The following EXOC4 variants were observed in gnomAD, a reference collection of about 807,000 sequenced individuals.
EXOC4 encodes exocyst complex component 4, also known as SEC8-like 1.
In EXOC4, 71 loss-of-function variants were observed where a neutral mutation model predicts 107.2. That is an observed-to-expected ratio of 0.66 (90% CI 0.55 to 0.81). EXOC4 has a LOEUF of 0.81. EXOC4 is among the 30% of genes least tolerant of loss of function. The pLI, the probability that EXOC4 is intolerant of heterozygous loss-of-function variation, is 0.00. For synonymous variants in EXOC4, 456 were observed against 441.2 expected, an observed-to-expected ratio of 1.03 and a Z score of -0.42; for missense variants, 1,108 against 1,189.6, an observed-to-expected ratio of 0.93 and a Z score of 1.01.
At chr7:133,380,788 G>T (rs959033864) in intron 7 of EXOC4, among the ~76,000 whole-genome samples, 1 of 152,146 alleles carries the variant, frequency 6.6e-6, no homozygotes, top group Admixed American at 6.6e-5. Context: ...ATGCATACAT[G>T]TACCAATGGC....
At chr7:133,975,286 G>A (rs1793804945) in intron 14 of EXOC4, among the ~76,000 whole-genome samples, 1 of 152,082 alleles carries the variant, frequency 6.6e-6, no homozygotes. Flanking sequence ...GGGATAGTAG[G>A]GATGGTTTCA....
At chr7:133,755,447 G>A (rs1795896341) in intron 10 of EXOC4, among the ~76,000 whole-genome samples, 1 of 146,962 alleles carries the variant, frequency 6.8e-6, no homozygotes, top group South Asian at 2.1e-4. Context: ...GGGTTCAAGC[G>A]ATTCTCCTGC....
At chr7:133,646,991 C>G (rs768993657) in intron 10 of EXOC4, among the ~76,000 whole-genome samples, 1 of 152,166 alleles carries the variant, frequency 6.6e-6, no homozygotes, top group Admixed American at 6.5e-5. Flanking sequence ...TGCATTTTCA[C>G]GGCCAACTCC....
Position 133,939,230 on chromosome 7 carries a change from C to T in EXOC4, c.2206+1161C>T, listed in dbSNP as rs571689182. The stretch of plus-strand genomic sequence containing the variant: ...CATGTCAGAGTGAGCTTTTTTTAAT[C>T]ACCGTCATTTGAGAAGGTATTATTA... On this transcript the variant is annotated intron_variant, in intron 14 of 17. Coordinates refer to ENST00000253861, the MANE Select transcript of EXOC4 (RefSeq NM_021807.4). 3.4e-4 allele frequency among the ~76,000 whole-genome samples: 51 copies of T among 152,206 alleles called. No homozygotes were observed. In the Middle Eastern group the frequency reaches 0.01, roughly 30 times the overall value.
chr7:134,005,118 T>A (rs1306442719), intron 16 of EXOC4, 28 bp downstream of exon 16: 3 of 1,588,266 alleles, frequency 1.9e-6, no homozygotes. Flanking sequence ...TCTCTGGGAG[T>A]TTGGGAGGAA....
chr7:133,348,699 C>T (rs1427267887), intron 5 of EXOC4, among the ~76,000 whole-genome samples: 5 of 152,176 alleles, frequency 3.3e-5, no homozygotes, highest in Admixed American at 3.3e-4. Flanking sequence ...ATACTTTTCT[C>T]TCCTTGCTGT....
chr7:133,696,079 G>A (rs1015743138), intron 10 of EXOC4, among the ~76,000 whole-genome samples: 29 of 152,168 alleles, frequency 1.9e-4, no homozygotes, highest in African/African-American at 7.0e-4. Context: ...GTTAAAGTAT[G>A]CCCCGGCTGG....
In EXOC4 at chr7:133,714,582, A is replaced by G. The variant is rs891563872; in HGVS notation, c.1514+84441A>G. Reference sequence around the variant, plus strand: ...ATTCCTGGGTTTTGCATCCAGTTCAACTGAGTATAAATCAAAACATCATTG... The same window carrying G: ...ATTCCTGGGTTTTGCATCCAGTTCAGCTGAGTATAAATCAAAACATCATTG... On this transcript the variant is annotated intron_variant, in intron 10 of 17. Transcript: ENST00000253861. Among the ~76,000 whole-genome samples, 5 of 152,248 alleles carry G rather than the reference A, an allele frequency of 3.3e-5. No homozygotes were observed. In the East Asian group the frequency reaches 7.7e-4, roughly 23 times the overall value.
At chr7:134,037,458 T>C (rs1795416421) in intron 17 of EXOC4, among the ~76,000 whole-genome samples, 1 of 152,198 alleles carries the variant, frequency 6.6e-6, no homozygotes, top group Non-Finnish European at 1.5e-5. Flanking sequence ...CTCTAGCATT[T>C]TTCCCTTGTG....
At chr7:133,417,755 T>C (rs951041775) in intron 7 of EXOC4, among the ~76,000 whole-genome samples, 1 of 151,062 alleles carries the variant, frequency 6.6e-6, no homozygotes, top group Admixed American at 6.6e-5. Flanking sequence ...TCACCATGGT[T>C]TTTTTACCCT....
chr7:133,875,542 A>G (rs1406541132), intron 11 of EXOC4, among the ~76,000 whole-genome samples: 1 of 152,160 alleles, frequency 6.6e-6, no homozygotes, highest in Non-Finnish European at 1.5e-5. Flanking sequence ...GGCTGCTGGC[A>G]TTGGAGTGGC....
intron 11 of EXOC4, among the ~76,000 whole-genome samples, chr7:133,844,359 C>A (rs1051705194): frequency 1.1e-5 from 1 of 87,400 alleles, no homozygotes; most frequent in African/African-American, 4.3e-5. Flanking sequence ...AATTTAATTT[C>A]TTGGATTCCC....
chr7:133,452,995 G>A (rs1798381605), intron 7 of EXOC4, among the ~76,000 whole-genome samples: 1 of 129,982 alleles, frequency 7.7e-6, no homozygotes, highest in Non-Finnish European at 1.6e-5. Flanking sequence ...CTGCCAGTCT[G>A]TAAGTTTTAT....
intron 14 of EXOC4, among the ~76,000 whole-genome samples, chr7:133,945,961 C>T (rs1800539608): frequency 6.6e-6 from 1 of 152,210 alleles, no homozygotes; most frequent in Non-Finnish European, 1.5e-5. Context: ...TTGCTTTTGT[C>T]AGACCATTAA....
chr7:133,724,832 C>T (rs936158916), intron 10 of EXOC4, among the ~76,000 whole-genome samples: 1 of 152,074 alleles, frequency 6.6e-6, no homozygotes, highest in African/African-American at 2.4e-5. Flanking sequence ...ATGTGCTTGG[C>T]ATTTGGAGGA....
At position 133,748,071 on chromosome 7, in the gene EXOC4, C is replaced by G. The variant is rs139220750; in HGVS notation, c.1515-69254C>G. 2.3e-3 allele frequency among the ~76,000 whole-genome samples: 348 copies of G among 152,238 alleles called. 3 individuals are homozygous for G. The highest frequency in any genetic ancestry group is 7.9e-3 in the African/African-American group (329 of 41,556). ...GATTTTCTCTTCCCGGGGGCATATA[C>G]CTAAATCTTTGTGCTAGACCAGCCC... On this transcript the variant is annotated intron_variant, in intron 10 of 17. Transcript: ENST00000253861.
chr7:133,450,605 T>C (rs577096401), intron 7 of EXOC4, among the ~76,000 whole-genome samples: 3 of 152,330 alleles, frequency 2.0e-5, no homozygotes, highest in African/African-American at 4.8e-5. Flanking sequence ...TTTAAACATA[T>C]GTGCTAATGA....
intron 10 of EXOC4, among the ~76,000 whole-genome samples, chr7:133,735,219 C>CAAAAAAAAAAA (rs56769096): frequency 3.0e-4 from 10 of 33,504 alleles, no homozygotes; most frequent in Non-Finnish European, 3.8e-4. Flanking sequence ...GACTCTGTCT[C>CAAAAAAAAAAA]AAAAAAAAAA....
chr7:133,842,506 T>A (rs1429535885), intron 11 of EXOC4, among the ~76,000 whole-genome samples: 1 of 152,362 alleles, frequency 6.6e-6, no homozygotes, highest in Non-Finnish European at 1.5e-5. Context: ...TGATTATTGC[T>A]TGTAAATTTG....
Sources: gnomAD v4.1 joint callset for allele counts (sites outside exome capture counted in the v4.1 genomes callset) on GRCh38, gnomAD v4.1.1 for gene constraint, MANE v1.5 for transcripts, NCBI Gene and HGNC (gene_info 2026-07-23, HGNC 2026-07-21) for gene names.